The following NRG3 variants were observed in gnomAD, a reference collection of about 807,000 sequenced individuals.
NRG3 encodes pro-neuregulin-3, membrane-bound isoform.
In NRG3, 31 loss-of-function variants were observed where a neutral mutation model predicts 66.9. The ratio of observed to expected loss-of-function variants is 0.46; its 90% CI spans 0.35 to 0.63. The LOEUF (loss-of-function observed/expected upper bound fraction) is 0.63. NRG3 is among the 20% of genes least tolerant of loss of function. The pLI is 0.00. For synonymous variants in NRG3, 393 were observed against 359.4 expected, an observed-to-expected ratio of 1.09 and a Z score of -1.06; for missense variants, 910 against 878.9, an observed-to-expected ratio of 1.04 and a Z score of -0.45.
intron 1 of NRG3, among the ~76,000 whole-genome samples, chr10:82,005,517 T>G (rs1039167685): frequency 2.0e-5 from 3 of 152,192 alleles, no homozygotes; most frequent in African/African-American, 7.2e-5. Context: ...ATGACATTTC[T>G]GTAAACATGC....
chr10:82,304,747 AC>A (rs748929271), intron 1 of NRG3, among the ~76,000 whole-genome samples: 2 of 152,088 alleles, frequency 1.3e-5, no homozygotes, highest in Non-Finnish European at 1.5e-5. Context: ...TCTTTTGATT[AC>A]CTTAAAACCA....
At chr10:82,799,543 G>T (rs867281808) in intron 3 of NRG3, among the ~76,000 whole-genome samples, 1 of 119,652 alleles carries the variant, frequency 8.4e-6, no homozygotes, top group Non-Finnish European at 1.8e-5. Context: ...AAAAAAAAAA[G>T]ACATTTCAGT....
chr10:82,167,996 A>G (rs11192805), intron 1 of NRG3, among the ~76,000 whole-genome samples: 14,169 of 151,110 alleles, frequency 0.094, 957 homozygotes, highest in African/African-American at 0.18. Context: ...TTTTTAAAGG[A>G]AAAAAAAACC....
chr10:82,012,301 CA>C (rs1188178790), intron 1 of NRG3, among the ~76,000 whole-genome samples: 3 of 152,078 alleles, frequency 2.0e-5, no homozygotes, highest in African/African-American at 7.2e-5. Flanking sequence ...TGCAGGACAC[CA>C]AGTCCCTAGG....
intron 2 of NRG3, among the ~76,000 whole-genome samples, chr10:82,575,703 C>T (rs1207850291): frequency 2.0e-5 from 3 of 151,706 alleles, no homozygotes; most frequent in South Asian, 2.1e-4. Flanking sequence ...CCTATGGGGC[C>T]AAAAATCAAA....
intron 1 of NRG3, among the ~76,000 whole-genome samples, chr10:82,118,059 T>C (rs2067838545): frequency 6.6e-6 from 1 of 152,080 alleles, no homozygotes; most frequent in African/African-American, 2.4e-5. Context: ...CTATTATTAC[T>C]GTTAAGATGA....
intron 2 of NRG3, among the ~76,000 whole-genome samples, chr10:82,653,436 T>C (rs2133906512): frequency 6.6e-6 from 1 of 152,246 alleles, no homozygotes; most frequent in South Asian, 2.1e-4. Context: ...GAATGCAAAC[T>C]CCCTGGAGAG....
intron 4 of NRG3, among the ~76,000 whole-genome samples, chr10:82,899,324 CA>C (rs2131863566): frequency 1.3e-5 from 2 of 152,132 alleles, no homozygotes; most frequent in South Asian, 4.2e-4. Context: ...TCCAAAGGTG[CA>C]TGAATAATGC....
At chr10:81,926,458 C>T (rs1188786722) in intron 1 of NRG3, among the ~76,000 whole-genome samples, 2 of 151,986 alleles carry the variant, frequency 1.3e-5, no homozygotes, top group Non-Finnish European at 2.9e-5. Context: ...TCCGGTTAAG[C>T]TAGAGAGTGA....
chr10:81,937,388 A>G (rs568758488), intron 1 of NRG3, among the ~76,000 whole-genome samples: 62 of 152,196 alleles, frequency 4.1e-4, no homozygotes, highest in African/African-American at 1.3e-3. Context: ...TACATTCACA[A>G]CAGTGCACAA....
At chr10:82,025,564 T>C (rs1042950828) in intron 1 of NRG3, among the ~76,000 whole-genome samples, 1 of 152,080 alleles carries the variant, frequency 6.6e-6, no homozygotes, top group African/African-American at 2.4e-5. Flanking sequence ...TAATAAACTT[T>C]CCTTCCAGGA....
intron 2 of NRG3, among the ~76,000 whole-genome samples, chr10:82,598,241 G>T (rs890570756): frequency 6.6e-6 from 1 of 152,240 alleles, no homozygotes; most frequent in Non-Finnish European, 1.5e-5. Flanking sequence ...TCTCTTTCAT[G>T]TAGACAAATC....
chr10:82,295,607 T>C (rs116296727), intron 1 of NRG3, among the ~76,000 whole-genome samples: 3,483 of 152,282 alleles, frequency 0.023, 47 homozygotes, highest in African/African-American at 0.04. Context: ...AAATATCTTA[T>C]AGGAAAAATA....
chr10:82,361,203 T>C (rs1011528964), intron 2 of NRG3, among the ~76,000 whole-genome samples: 2 of 152,228 alleles, frequency 1.3e-5, no homozygotes, highest in African/African-American at 4.8e-5. Context: ...ACCTATAGTT[T>C]AAGTGAAATG....
intron 1 of NRG3, among the ~76,000 whole-genome samples, chr10:82,113,552 G>T (rs946475500): frequency 2.6e-5 from 4 of 152,124 alleles, no homozygotes; most frequent in Non-Finnish European, 5.9e-5. Flanking sequence ...CTGAGGAAAT[G>T]ACAACAATTG....
At chr10:82,470,123 C>A (rs1386485705) in intron 2 of NRG3, among the ~76,000 whole-genome samples, 1 of 152,152 alleles carries the variant, frequency 6.6e-6, no homozygotes. Context: ...GAGCTCAAAT[C>A]CAATGCCATG....
intron 1 of NRG3, among the ~76,000 whole-genome samples, chr10:81,920,796 A>G (rs1325187206): frequency 6.6e-6 from 1 of 152,082 alleles, no homozygotes; most frequent in African/African-American, 2.4e-5. Flanking sequence ...TTTTGTGAAC[A>G]TTTTTCCTTG....
intron 4 of NRG3, among the ~76,000 whole-genome samples, chr10:82,941,166 G>T (rs913689949): frequency 6.6e-6 from 1 of 152,024 alleles, no homozygotes; most frequent in African/African-American, 2.4e-5. Flanking sequence ...TTGTAGCAAG[G>T]CTCAGGGAGC....
intron 3 of NRG3, among the ~76,000 whole-genome samples, chr10:82,842,037 G>A (rs1441532993): frequency 6.6e-6 from 1 of 152,056 alleles, no homozygotes; most frequent in African/African-American, 2.4e-5. Context: ...AATCACTTGA[G>A]GTCAGGAGTT....
Sources: allele counts gnomAD v4.1 joint callset (sites outside exome capture counted in the v4.1 genomes callset), GRCh38; gene constraint gnomAD v4.1.1; transcripts MANE v1.5; gene names NCBI Gene and HGNC (gene_info 2026-07-23, HGNC 2026-07-21).